CDON: variants seen among roughly 807,000 people sequenced by gnomAD.
CDON encodes cell adhesion associated, oncogene regulated, also known as cell adhesion molecule-related/down-regulated by oncogenes.
In CDON, 73 loss-of-function variants were observed where a neutral mutation model predicts 120.9. The ratio of observed to expected loss-of-function variants is 0.60; its 90% CI spans 0.50 to 0.73. The LOEUF (loss-of-function observed/expected upper bound fraction) is 0.73. Among genes scored for constraint, CDON ranks in the 30% least tolerant of loss-of-function variants. The pLI is 0.00. For missense variants in CDON, 1,470 were observed against 1,587.3 expected, an observed-to-expected ratio of 0.93 and a Z score of 1.26; for synonymous variants, 566 against 573.5, an observed-to-expected ratio of 0.99 and a Z score of 0.19.
At chr11:125,963,408 A>C in intron 18 of CDON, among the ~76,000 whole-genome samples, 1 of 152,228 alleles carries the variant, frequency 6.6e-6, no homozygotes, top group East Asian at 1.9e-4. Flanking sequence ...GACCAGTAGT[A>C]TCCTGGAGCT....
intron 1 of CDON, among the ~76,000 whole-genome samples, chr11:126,032,478 CAT>C (rs957530682): frequency 6.6e-6 from 1 of 152,022 alleles, no homozygotes; most frequent in Non-Finnish European, 1.5e-5. Context: ...CAATATAAAT[CAT>C]ATTAAAGTGT....
chr11:126,055,223 A>G (rs1420764745), intron 1 of CDON, among the ~76,000 whole-genome samples: 1 of 152,166 alleles, frequency 6.6e-6, no homozygotes, highest in Non-Finnish European at 1.5e-5. Context: ...TTCATCTCAC[A>G]TGCTGAATCT....
intron 1 of CDON, among the ~76,000 whole-genome samples, chr11:126,033,933 T>G (rs888335715): frequency 2.0e-5 from 3 of 152,158 alleles, no homozygotes; most frequent in African/African-American, 4.8e-5. Flanking sequence ...ACCTGCCGCA[T>G]CACTCCCAGT....
intron 8 of CDON, among the ~76,000 whole-genome samples, chr11:126,007,396 A>C (rs1947158260): frequency 6.6e-6 from 1 of 152,246 alleles, no homozygotes; most frequent in Non-Finnish European, 1.5e-5. Flanking sequence ...AAGTTCACTG[A>C]GACAACTTCA....
chr11:125,968,774 C>T (rs945896629), intron 18 of CDON, among the ~76,000 whole-genome samples: 4 of 152,170 alleles, frequency 2.6e-5, no homozygotes, highest in Admixed American at 2.6e-4. Context: ...TTTTCTAGTA[C>T]ACTGAATCTT....
chr11:126,021,283 G>A lies in CDON; in HGVS notation c.314C>T (p.Ala105Val). ...TACTGTCGCAGGGCCACTCACAATG[G>A]CACCGATGCTATTGTTGGCAAGGCA... ...YQCLANNSIGAIVSGPATVSV... is the reference protein window; with the variant it reads ...YQCLANNSIGVIVSGPATVSV... The change falls in exon 3 of 20, where the codon GCC becomes GTC. Residue 105 changes from alanine to valine, a missense_variant. Transcript: ENST00000531738. 1.2e-6 allele frequency: 2 copies of A among 1,614,094 alleles called. No individual in the cohort carries two copies. The highest frequency in any genetic ancestry group is 2.2e-5 in the South Asian group (2 of 91,066).
intron 1 of CDON, among the ~76,000 whole-genome samples, chr11:126,049,316 C>T (rs1313690855): frequency 6.6e-6 from 1 of 152,122 alleles, no homozygotes; most frequent in Non-Finnish European, 1.5e-5. Context: ...CAACCTTAAT[C>T]AAATTGCTTG....
chr11:125,980,592 T>C (rs1278622897), intron 17 of CDON, among the ~76,000 whole-genome samples: 1 of 150,914 alleles, frequency 6.6e-6, no homozygotes, highest in Non-Finnish European at 1.5e-5. Context: ...CGACTGTAAG[T>C]GTCAAACCGC....
At position 126,052,089 on chromosome 11, in the gene CDON, TTAAAACAAAA is replaced by T. The variant is rs557380789; in HGVS notation, c.-62+10480_-62+10489del. ...AAATTGGCTTTAGTTAGCCATGGGATTAAAACAAAACAAAACAAAACAAAACAAAACAAAA... is the reference window on the plus strand; with the variant it reads ...AAATTGGCTTTAGTTAGCCATGGGATCAAAACAAAACAAAACAAAACAAAA... On this transcript the variant is annotated intron_variant, in intron 1 of 19. Transcript: ENST00000531738. Among the ~76,000 whole-genome samples the T allele has an allele frequency of 3.5e-3, 524 of 149,570 alleles. 7 individuals carry two copies. Among genetic ancestry groups the T allele is most frequent in the African/African-American group, 0.011 (447 of 41,036 alleles).
At chr11:126,025,742 T>G (rs541634957) in intron 1 of CDON, among the ~76,000 whole-genome samples, 4 of 152,154 alleles carry the variant, frequency 2.6e-5, no homozygotes, top group Non-Finnish European at 4.4e-5. Flanking sequence ...TATTGAATGC[T>G]TATCATATGC....
intron 16 of CDON, among the ~76,000 whole-genome samples, chr11:125,982,196 G>C (rs1201240019): frequency 6.6e-6 from 1 of 151,584 alleles, no homozygotes; most frequent in African/African-American, 2.4e-5. Context: ...GGTTGGTTTC[G>C]ATCTCCTGAC....
At chr11:125,965,341 T>G (rs1238874457) in intron 18 of CDON, among the ~76,000 whole-genome samples, 1 of 152,154 alleles carries the variant, frequency 6.6e-6, no homozygotes, top group East Asian at 1.9e-4. Flanking sequence ...ATGGAGGAAT[T>G]TTGTCTTAAA....
intron 18 of CDON, among the ~76,000 whole-genome samples, chr11:125,962,924 T>A (rs1389684707): frequency 6.6e-6 from 1 of 152,246 alleles, no homozygotes; most frequent in Non-Finnish European, 1.5e-5. Flanking sequence ...AATTGTGACA[T>A]CTGGGTCCAT....
At chr11:125,965,616 A>C (rs572059603) in intron 18 of CDON, among the ~76,000 whole-genome samples, 1 of 152,350 alleles carries the variant, frequency 6.6e-6, no homozygotes, top group East Asian at 1.9e-4. Context: ...TAGGCTTTTA[A>C]GTGGGACCCT....
At chr11:126,006,104 A>T in intron 8 of CDON, 47 bp from the exon 9 acceptor site, 1 of 1,566,514 alleles carries the variant, frequency 6.4e-7, no homozygotes, top group Non-Finnish European at 8.8e-7. Flanking sequence ...TCCTCATTTC[A>T]TTGTCTTCTA....
intron 1 of CDON, among the ~76,000 whole-genome samples, chr11:126,027,459 ACTAGT>A (rs1277924794): frequency 2.0e-5 from 3 of 152,298 alleles, no homozygotes; most frequent in African/African-American, 7.2e-5. Context: ...TGGTTATTTA[ACTAGT>A]AAGTTATTAG....
intron 1 of CDON, among the ~76,000 whole-genome samples, chr11:126,047,913 T>C (rs1251603854): frequency 3.9e-5 from 6 of 152,168 alleles, no homozygotes; most frequent in Non-Finnish European, 8.8e-5. Context: ...AAAATAAGGA[T>C]GTGGATGTCT....
In CDON at chr11:125,988,895, C is replaced by G. The variant is rs183942678; in HGVS notation, c.2773+742G>C. Among the ~76,000 whole-genome samples the G allele has an allele frequency of 1.4e-3, 206 of 152,256 alleles. 1 individual carries two copies. Among genetic ancestry groups the G allele is most frequent in the African/African-American group, 4.2e-3 (173 of 41,550 alleles). On this transcript the variant is annotated intron_variant, in intron 15 of 19. Transcript: ENST00000531738. ...CACCTTTAACATATGTTGCACTTCT[C>G]CTTAATATTCTTAAACTTTTGTTAG... is the stretch of plus-strand genomic sequence containing the variant.
At chr11:125,985,412 T>G (rs1426223766) in intron 15 of CDON, among the ~76,000 whole-genome samples, 1 of 152,170 alleles carries the variant, frequency 6.6e-6, no homozygotes, top group Non-Finnish European at 1.5e-5. Flanking sequence ...CCTGATGACC[T>G]CAAGTGATCC....
Sources: allele counts gnomAD v4.1 joint callset (sites outside exome capture counted in the v4.1 genomes callset), GRCh38; gene constraint gnomAD v4.1.1; transcripts MANE v1.5; gene names NCBI Gene and HGNC (gene_info 2026-07-23, HGNC 2026-07-21).